TRAM1: variants seen among roughly 807,000 people sequenced by gnomAD.
TRAM1 encodes the protein translocating chain-associated membrane protein 1.
In TRAM1, 17 loss-of-function variants were observed where a neutral mutation model predicts 48.7. The observed-to-expected ratio is 0.35, with a 90% CI of 0.24 to 0.52. TRAM1 has a LOEUF of 0.52. TRAM1 is among the 20% of genes least tolerant of loss of function. The pLI is 0.94. For missense variants in TRAM1, 351 were observed against 441.5 expected (o/e 0.79, Z 1.84); for synonymous variants, 182 against 154.0 (o/e 1.18, Z -1.34).
intron 2 of TRAM1, 89 bp downstream of exon 2, chr8:70,599,930 T>TA: frequency 2.2e-6 from 2 of 929,276 alleles, no homozygotes; most frequent in South Asian, 2.8e-5. Context: ...GACGATTAAT[T>TA]AACGCAGGAC....
chr8:70,591,726 C>T lies in TRAM1; in HGVS notation c.570+2780G>A, dbSNP rs115239416. ...ATCTCCCCCCAAACCCCAGATGGTA[C>T]ATCTTATAATTAAATCTTTACAAAG... On this transcript the variant is annotated intron_variant, in intron 6 of 10. Transcript: ENST00000262213. Among the ~76,000 whole-genome samples, 1,513 of 152,176 alleles carry T rather than the reference C, an allele frequency of 9.9e-3. 22 individuals carry two copies. Among genetic ancestry groups the T allele is most frequent in the African/African-American group, 0.034 (1,431 of 41,506 alleles).
intron 10 of TRAM1, among the ~76,000 whole-genome samples, chr8:70,577,932 G>A (rs1239636469): frequency 6.6e-6 from 1 of 152,238 alleles, no homozygotes; most frequent in Non-Finnish European, 1.5e-5. Flanking sequence ...ACCTGCTGGT[G>A]CCTAGAGCTG....
chr8:70,606,838 A>T (rs1817730387), intron 1 of TRAM1: 1 of 957,700 alleles, frequency 1.0e-6, no homozygotes. Context: ...AATTAAAAAA[A>T]AAAACAAATA....
chr8:70,579,984 C>A (rs754197392), intron 10 of TRAM1, among the ~76,000 whole-genome samples: 20 of 152,028 alleles, frequency 1.3e-4, no homozygotes, highest in Non-Finnish European at 2.4e-4. Flanking sequence ...TACTACGTAA[C>A]AAATAGTTAA....
intron 10 of TRAM1, among the ~76,000 whole-genome samples, chr8:70,581,487 G>A (rs1817073258): frequency 6.6e-6 from 1 of 152,182 alleles, no homozygotes; most frequent in African/African-American, 2.4e-5. Context: ...ATGGCACAGG[G>A]ACAACTGAGT....
intron 4 of TRAM1, 101 bp downstream of exon 4, chr8:70,597,794 A>C (rs1326312351): frequency 1.2e-6 from 1 of 869,200 alleles, no homozygotes; most frequent in Non-Finnish European, 1.7e-6. Flanking sequence ...AATACCTAAA[A>C]CAGATTTATC....
intron 10 of TRAM1, 126 bp from the exon 11 acceptor site, chr8:70,575,131 C>T: frequency 1.5e-6 from 1 of 654,388 alleles, no homozygotes; most frequent in Non-Finnish European, 2.5e-6. Context: ...AATTTACTTA[C>T]CAGTATTTAA....
intron 2 of TRAM1, among the ~76,000 whole-genome samples, chr8:70,599,103 GA>G (rs1466494140): frequency 6.6e-6 from 1 of 151,978 alleles, no homozygotes; most frequent in Non-Finnish European, 1.5e-5. Flanking sequence ...ATAGTAAATT[GA>G]AAAATTAGCT....
rs35864770 is a variant in TRAM1 at position 70,603,303 on chromosome 8, T to TACAC, written c.124-3225_124-3222dup. On this transcript the variant is annotated intron_variant, in intron 1 of 10. Coordinates refer to ENST00000262213, the MANE Select transcript of TRAM1 (RefSeq NM_014294.6). ...ATATACACACTATATATATGTTTTA[T>TACAC]ACACACACACACACACACACACACA... Among the ~76,000 whole-genome samples, 1,317 of 150,054 alleles carry TACAC rather than the reference T, an allele frequency of 8.8e-3. 5 individuals are homozygous for TACAC. Among genetic ancestry groups the TACAC allele is most frequent in the African/African-American group, 0.015 (598 of 40,766 alleles).
At chr8:70,594,617 A>C (rs750054226) in intron 5 of TRAM1, 27 bp from the exon 6 acceptor site, 1 of 1,535,068 alleles carries the variant, frequency 6.5e-7, no homozygotes. Context: ...AATGAAGAGT[A>C]CCTTTTAAAG....
At chr8:70,607,059 G>A (rs1286051245) in intron 1 of TRAM1, 1 of 915,440 alleles carries the variant, frequency 1.1e-6, no homozygotes, top group Non-Finnish European at 1.3e-6. Flanking sequence ...ACAAAACAAG[G>A]CAGGAGCAAA....
At chr8:70,591,683 C>T (rs1817364389) in intron 6 of TRAM1, among the ~76,000 whole-genome samples, 2 of 151,862 alleles carry the variant, frequency 1.3e-5, no homozygotes, top group African/African-American at 4.8e-5. Flanking sequence ...AAATATATGC[C>T]CCAAATATAA....
intron 4 of TRAM1, 79 bp from the exon 5 acceptor site, chr8:70,596,400 A>C: frequency 4.7e-6 from 5 of 1,072,784 alleles, no homozygotes; most frequent in Non-Finnish European, 6.8e-6. Context: ...TTCATTTCTC[A>C]AACATTTACA....
chr8:70,589,695 A>T (rs62531708), intron 6 of TRAM1, among the ~76,000 whole-genome samples: 4 of 151,994 alleles, frequency 2.6e-5, no homozygotes, highest in Non-Finnish European at 5.9e-5. Context: ...AAAATTAGCC[A>T]AGCATAGTGG....
intron 1 of TRAM1, chr8:70,606,732 A>G (rs974164256): frequency 8.1e-6 from 2 of 248,152 alleles, no homozygotes; most frequent in African/African-American, 4.6e-5. Flanking sequence ...TCAAACATGC[A>G]TGACACAATC....
chr8:70,577,462 A>G (rs1483966933), intron 10 of TRAM1, among the ~76,000 whole-genome samples: 3 of 152,164 alleles, frequency 2.0e-5, no homozygotes, highest in Non-Finnish European at 2.9e-5. Context: ...GCTCATAAAA[A>G]TCCTGGACTC....
chr8:70,578,607 T>C (rs1358510476), intron 10 of TRAM1, among the ~76,000 whole-genome samples: 1 of 152,180 alleles, frequency 6.6e-6, no homozygotes, highest in Non-Finnish European at 1.5e-5. Context: ...CACTCCAGCC[T>C]GGGCGACAGA....
chr8:70,582,533 AAGGC>A (rs1424679571), intron 10 of TRAM1, among the ~76,000 whole-genome samples: 1 of 151,906 alleles, frequency 6.6e-6, no homozygotes, highest in Admixed American at 6.6e-5. Context: ...AAAAAAAAAA[AAGGC>A]AGGGCTGGAG....
rs76614099 is a variant in TRAM1, at chr8:70,608,004, G to T, written c.123+73C>A. On this transcript the variant is annotated intron_variant, in intron 1 of 10. Coordinates refer to ENST00000262213, the MANE Select transcript of TRAM1 (RefSeq NM_014294.6). ...CCCCCGCGTCCTGGGCGGAGAAGCC[G>T]GGGCTGGCATCTGGAGCCCGGGCCC... 9.9e-4 allele frequency: 1,457 copies of T among 1,465,090 alleles called. 20 individuals are homozygous for T. In the African/African-American group the frequency reaches 0.019, roughly 20 times the overall value. 90.8% of individuals were successfully genotyped at this position (1,465,090 alleles called of 1,614,324 possible).
Sources: allele counts gnomAD v4.1 joint callset (sites outside exome capture counted in the v4.1 genomes callset), GRCh38; gene constraint gnomAD v4.1.1; transcripts MANE v1.5; gene names NCBI Gene and HGNC (gene_info 2026-07-23, HGNC 2026-07-21).